Variants in CMTR1 observed in about 807,000 individuals in gnomAD.
CMTR1 encodes cap-specific mRNA (nucleoside-2'-O-)-methyltransferase 1.
A neutral mutation model predicts 107.0 loss-of-function variants in CMTR1; 39 were observed. That is an observed-to-expected ratio of 0.36 (90% CI 0.28 to 0.48). The LOEUF (loss-of-function observed/expected upper bound fraction) is 0.48, where lower values mean the gene tolerates loss of function less well. Ranked by LOEUF, CMTR1 falls within the 20% of genes least tolerant of loss-of-function variation. CMTR1 has a pLI of 0.99. For synonymous variants in CMTR1, 366 were observed against 379.5 expected (o/e 0.96, Z 0.41); for missense variants, 672 against 1,064.9 (o/e 0.63, Z 5.14).
chr6:37,478,810 A>C (rs1240099599), intron 22 of CMTR1, among the ~76,000 whole-genome samples: 2 of 152,180 alleles, frequency 1.3e-5, no homozygotes, highest in Non-Finnish European at 2.9e-5. Flanking sequence ...GACAGCAGCA[A>C]ATCCAGAAAG....
chr6:37,428,002 CAGAGACAGAG>C, the CMTR1 span, among the ~76,000 whole-genome samples: 211 of 87,720 alleles, frequency 2.4e-3, no homozygotes, highest in African/African-American at 8.5e-3. Context: ...ACCTAAGCAA[CAGAGACAGAG>C]AGAGAGAGAG....
intron 13 of CMTR1, among the ~76,000 whole-genome samples, chr6:37,468,656 G>A (rs1761557295): frequency 6.6e-6 from 1 of 152,116 alleles, no homozygotes; most frequent in Non-Finnish European, 1.5e-5. Flanking sequence ...GGCTGAGGCA[G>A]GTGGATCACC....
Position 37,451,901 on chromosome 6 carries a change from G to A in CMTR1, c.609+24G>A, listed in dbSNP as rs200054140. 1,128 of 1,595,362 alleles carry A rather than the reference G, an allele frequency of 7.1e-4. 3 individuals are homozygous for A. Among genetic ancestry groups the A allele is most frequent in the Middle Eastern group, 1.5e-3 (9 of 6,038 alleles). On this transcript the variant is annotated intron_variant, in intron 6 of 23. Coordinates refer to ENST00000373451, the MANE Select transcript of CMTR1 (RefSeq NM_015050.3). The stretch of plus-strand genomic sequence containing the variant: ...AGGTAAGGTCTTGTGGCTAGAACCA[G>A]ATAATGAAAACCTTGTGGGAGGTGA...
upstream of CMTR1, among the ~76,000 whole-genome samples, chr6:37,431,013 A>C (rs1012205125): frequency 1.6e-5 from 2 of 123,294 alleles, no homozygotes; most frequent in African/African-American, 6.6e-5. Context: ...ACTCCGTCTC[A>C]AAAAAAAAAA....
At chr6:37,430,398 ATG>A (rs1289054625), upstream of CMTR1, among the ~76,000 whole-genome samples, 12 of 120,392 alleles carry the variant, frequency 1.0e-4, no homozygotes, top group African/African-American at 2.6e-4. Context: ...TTATATATAT[ATG>A]TGTGTGTGTG....
chr6:37,481,411 G>A lies in CMTR1; in HGVS notation c.*1266G>A, dbSNP rs1761855028. 2 of 1,185,452 alleles carry A rather than the reference G, an allele frequency of 1.7e-6. No individual in the cohort carries two copies. Among genetic ancestry groups the A allele is most frequent in the Non-Finnish European group, 2.1e-6 (2 of 940,908 alleles). 73.4% of individuals were successfully genotyped at this position (1,185,452 alleles called of 1,614,324 possible). A position where few individuals can be genotyped will look rare whatever the true frequency, so the allele number is the denominator to read the frequency against. ...GCATCCAGCTCCCCACCCCCAGGCT[G>A]GCAGTAGCACTGCTGAGATGCTGTA... On this transcript the variant is annotated 3_prime_UTR_variant, in exon 24 of 24. Coordinates refer to ENST00000373451, the MANE Select transcript of CMTR1 (RefSeq NM_015050.3).
At chr6:37,447,779 G>C (rs1771829332) in intron 4 of CMTR1, among the ~76,000 whole-genome samples, 1 of 151,804 alleles carries the variant, frequency 6.6e-6, no homozygotes, top group African/African-American at 2.4e-5. Context: ...AGAATCACTT[G>C]AACCTGGGAA....
At chr6:37,475,706 C>T (rs1016585449) in intron 19 of CMTR1, 32 of 522,494 alleles carry the variant, frequency 6.1e-5, no homozygotes, top group South Asian at 3.9e-4. Flanking sequence ...GGTGACCTTG[C>T]GGGTAGAGGG....
chr6:37,470,649 G>C (rs1315546582), intron 13 of CMTR1, among the ~76,000 whole-genome samples: 2 of 152,182 alleles, frequency 1.3e-5, no homozygotes, highest in African/African-American at 2.4e-5. Flanking sequence ...GTAAAGAACA[G>C]TGAAGACTAA....
At chr6:37,475,462 T>C (rs1761718649) in intron 19 of CMTR1, 50 bp downstream of exon 19, 2 of 1,530,672 alleles carry the variant, frequency 1.3e-6, no homozygotes. Context: ...CCAGGGCAGC[T>C]TGGGAGGACA....
At chr6:37,427,785 T>C in the CMTR1 span, among the ~76,000 whole-genome samples, 1 of 152,190 alleles carries the variant, frequency 6.6e-6, no homozygotes, top group African/African-American at 2.4e-5. The surrounding 1 kb of genome is among the most constrained non-coding windows in gnomAD (Gnocchi z 4.4). Flanking sequence ...TGAATTCTCT[T>C]AGTTTTTCTT....
Position 37,444,161 on chromosome 6 carries a change from G to A in CMTR1, c.285+11G>A, listed in dbSNP as rs758325002. ...TCCCAGAAGCTTATGGTATGTCAGC[G>A]CTTGGGTTGGGTTTCTCAAGCCCCA... On this transcript the variant is annotated intron_variant, in intron 3 of 23. Transcript: ENST00000373451. The A allele has an allele frequency of 1.9e-5, 31 of 1,612,384 alleles. 1 individual carries two copies. The highest frequency in any genetic ancestry group is 1.4e-4 in the South Asian group (13 of 90,764).
intron 2 of CMTR1, among the ~76,000 whole-genome samples, chr6:37,440,018 G>A (rs1185585542): frequency 6.6e-6 from 1 of 152,130 alleles, no homozygotes; most frequent in African/African-American, 2.4e-5. Context: ...TTTGCCAACA[G>A]CCAGGAGACC....
upstream of CMTR1, among the ~76,000 whole-genome samples, chr6:37,428,406 A>G (rs1047162890): frequency 2.6e-5 from 4 of 152,142 alleles, no homozygotes; most frequent in Non-Finnish European, 5.9e-5. Flanking sequence ...TATGCATGAG[A>G]ACCCTCCCTT....
At chr6:37,476,077 G>C in intron 19 of CMTR1, 49 bp from the exon 20 acceptor site, 4 of 1,578,172 alleles carry the variant, frequency 2.5e-6, no homozygotes, top group Non-Finnish European at 3.5e-6. Context: ...TAGGGGTGCT[G>C]GTGGAGGCAT....
intron 2 of CMTR1, among the ~76,000 whole-genome samples, chr6:37,441,921 G>A (rs1338850487): frequency 3.9e-5 from 6 of 152,192 alleles, no homozygotes; most frequent in Non-Finnish European, 8.8e-5. Context: ...GAATTGGACA[G>A]CCACCATAAA....
chr6:37,465,747 G>T (rs760740318), intron 13 of CMTR1, among the ~76,000 whole-genome samples: 11 of 152,098 alleles, frequency 7.2e-5, no homozygotes, highest in Non-Finnish European at 1.3e-4. Context: ...TGCCCACCTA[G>T]GCCTCCCAAA....
intron 12 of CMTR1, 52 bp from the exon 13 acceptor site, chr6:37,462,777 T>C: frequency 6.4e-7 from 1 of 1,554,650 alleles, no homozygotes; most frequent in South Asian, 1.1e-5. Context: ...GGAAAAGGAA[T>C]GTATGGGGAG....
At chr6:37,461,494 T>A in intron 10 of CMTR1, 55 bp from the exon 11 acceptor site, 1 of 951,148 alleles carries the variant, frequency 1.1e-6, no homozygotes. Context: ...AGTGATGTTA[T>A]TCTTAGTCCT....
Sources: gnomAD v4.1 joint callset for allele counts (sites outside exome capture counted in the v4.1 genomes callset) on GRCh38, gnomAD v4.1.1 for gene constraint, Gnocchi (gnomAD v3.1) non-coding constraint, MANE v1.5 for transcripts, NCBI Gene and HGNC (gene_info 2026-07-23, HGNC 2026-07-21) for gene names.